The following RNF180 variants were observed in gnomAD, a reference collection of about 807,000 sequenced individuals.
RNF180 encodes the protein E3 ubiquitin-protein ligase RNF180.
RNF180 carries 38 observed loss-of-function variants against 59.2 expected under a neutral mutation model. The ratio of observed to expected loss-of-function variants is 0.64; its 90% CI spans 0.50 to 0.84. The LOEUF (loss-of-function observed/expected upper bound fraction) is 0.84, where lower values mean the gene tolerates loss of function less well. RNF180 is among the 40% of genes least tolerant of loss of function. RNF180 has a pLI of 0.00. For synonymous variants in RNF180, 262 were observed against 240.3 expected (o/e 1.09, Z -0.84); for missense variants, 705 against 700.9 (o/e 1.01, Z -0.07).
At chr5:64,340,169 C>T (rs947306533) in intron 7 of RNF180, among the ~76,000 whole-genome samples, 19 of 152,150 alleles carry the variant, frequency 1.2e-4, no homozygotes, top group African/African-American at 4.3e-4. Flanking sequence ...CATACACACA[C>T]AAAGCAATGT....
intron 1 of RNF180, among the ~76,000 whole-genome samples, chr5:64,169,425 G>A (rs964779008): frequency 6.6e-6 from 1 of 152,136 alleles, no homozygotes; most frequent in African/African-American, 2.4e-5. Context: ...ATATCAGCTG[G>A]AGAGAGATCA....
At chr5:64,225,695 C>T (rs1261891106) in intron 5 of RNF180, among the ~76,000 whole-genome samples, 123 of 127,912 alleles carry the variant, frequency 9.6e-4, no homozygotes, top group African/African-American at 3.5e-3. Flanking sequence ...AAGTGAGGAG[C>T]GCCTCTGCCT....
Position 64,363,075 on chromosome 5 carries a change from G to T in RNF180, c.1580-6540G>T, listed in dbSNP as rs999365787. ...TATTCTGTTAATAGTTTCTTTTGTT[G>T]TGCAGAAGCTCTTTAGTTTAATTAG... On this transcript the variant is annotated intron_variant, in intron 7 of 7. Transcript: ENST00000389100. Among the ~76,000 whole-genome samples, 6 of 151,782 alleles carry T rather than the reference G, an allele frequency of 4.0e-5. No individual in the cohort carries two copies. The East Asian group carries it at 9.7e-4, about 25-fold the overall frequency.
intron 1 of RNF180, among the ~76,000 whole-genome samples, chr5:64,193,005 A>T (rs1751262019): frequency 6.7e-6 from 1 of 149,322 alleles, no homozygotes; most frequent in Non-Finnish European, 1.5e-5. Context: ...GCACCTAGAG[A>T]ACATTATGCT....
chr5:64,207,967 G>C (rs570979219), intron 2 of RNF180, among the ~76,000 whole-genome samples: 77 of 151,866 alleles, frequency 5.1e-4, no homozygotes, highest in African/African-American at 1.7e-3. Context: ...AAATGCAAAG[G>C]GTTAAACATC....
At chr5:64,338,230 C>T (rs1434357365) in intron 7 of RNF180, among the ~76,000 whole-genome samples, 1 of 152,108 alleles carries the variant, frequency 6.6e-6, no homozygotes, top group East Asian at 1.9e-4. Flanking sequence ...AATTTTATAT[C>T]TTTCAATTTA....
At chr5:64,314,885 A>G (rs1743960950) in intron 5 of RNF180, among the ~76,000 whole-genome samples, 1 of 152,188 alleles carries the variant, frequency 6.6e-6, no homozygotes, top group African/African-American at 2.4e-5. Context: ...TTTTCAGAAT[A>G]ATTGTGGATA....
At chr5:64,271,054 T>C (rs138595757) in intron 5 of RNF180, among the ~76,000 whole-genome samples, 38 of 152,176 alleles carry the variant, frequency 2.5e-4, no homozygotes, top group Non-Finnish European at 4.7e-4. Context: ...GAAGGAAACA[T>C]ATTTCATTTG....
intron 5 of RNF180, among the ~76,000 whole-genome samples, chr5:64,259,732 G>A (rs1347757676): frequency 2.0e-5 from 3 of 152,028 alleles, no homozygotes; most frequent in Non-Finnish European, 2.9e-5. Context: ...AAACCAGCCC[G>A]ACCAACATGG....
chr5:64,363,227 G>A (rs573922985), intron 7 of RNF180, among the ~76,000 whole-genome samples: 1 of 151,778 alleles, frequency 6.6e-6, no homozygotes, highest in Admixed American at 6.6e-5. Flanking sequence ...TATGGTTTTG[G>A]GTTTTACATT....
At chr5:64,267,773 G>T (rs1744771392) in intron 5 of RNF180, among the ~76,000 whole-genome samples, 1 of 152,090 alleles carries the variant, frequency 6.6e-6, no homozygotes, top group South Asian at 2.1e-4. Context: ...GCATTAAATA[G>T]AAGTATCTAG....
chr5:64,297,526 G>T (rs1410058507), intron 5 of RNF180, among the ~76,000 whole-genome samples: 3 of 151,590 alleles, frequency 2.0e-5, no homozygotes, highest in Admixed American at 2.0e-4. Context: ...AAATTCATGG[G>T]TTACAATTGC....
At chr5:64,195,020 T>C (rs1036899375) in intron 1 of RNF180, among the ~76,000 whole-genome samples, 1 of 152,224 alleles carries the variant, frequency 6.6e-6, no homozygotes, top group Non-Finnish European at 1.5e-5. Flanking sequence ...ACTAGTAGTA[T>C]GTTAGAAATT....
intron 5 of RNF180, among the ~76,000 whole-genome samples, chr5:64,256,324 A>G (rs1440215459): frequency 6.6e-6 from 1 of 152,098 alleles, no homozygotes; most frequent in South Asian, 2.1e-4. Context: ...TTCGGTTTTT[A>G]TGGTTTTAGA....
chr5:64,359,994 T>C (rs1002537103), intron 7 of RNF180, among the ~76,000 whole-genome samples: 1 of 152,066 alleles, frequency 6.6e-6, no homozygotes, highest in Non-Finnish European at 1.5e-5. Flanking sequence ...CATTGATCTA[T>C]ATCTCTGTTT....
At chr5:64,275,105 G>T (rs1741641486) in intron 5 of RNF180, among the ~76,000 whole-genome samples, 2 of 151,350 alleles carry the variant, frequency 1.3e-5, no homozygotes, top group African/African-American at 2.4e-5. Flanking sequence ...ACACAACAAT[G>T]ACATTTATAA....
intron 1 of RNF180, among the ~76,000 whole-genome samples, chr5:64,181,657 C>T (rs981506668): frequency 1.3e-5 from 2 of 152,106 alleles, no homozygotes; most frequent in Non-Finnish European, 2.9e-5. Context: ...GGGTAGTTTC[C>T]CTCAGCTTGT....
chr5:64,315,532 G>A (rs370305928), intron 5 of RNF180, among the ~76,000 whole-genome samples: 7 of 152,178 alleles, frequency 4.6e-5, no homozygotes, highest in South Asian at 4.1e-4. Flanking sequence ...ATCACCTGAG[G>A]TCAGGAGTTT....
At chr5:64,351,695 C>A (rs542188953) in intron 7 of RNF180, among the ~76,000 whole-genome samples, 9 of 151,602 alleles carry the variant, frequency 5.9e-5, no homozygotes, top group Admixed American at 3.3e-4. Context: ...TGTTTATATG[C>A]TGGATTACAT....
Sources: gnomAD v4.1 joint callset for allele counts (sites outside exome capture counted in the v4.1 genomes callset) on GRCh38, gnomAD v4.1.1 for gene constraint, MANE v1.5 for transcripts, NCBI Gene and HGNC (gene_info 2026-07-23, HGNC 2026-07-21) for gene names.